SGCD: variants seen among roughly 807,000 people sequenced by gnomAD.
SGCD encodes sarcoglycan delta, also known as delta-sarcoglycan.
A neutral mutation model predicts 36.6 loss-of-function variants in SGCD; 18 were observed. The ratio of observed to expected loss-of-function variants is 0.49; its 90% CI spans 0.34 to 0.73. The LOEUF is 0.73. Among genes scored for constraint, SGCD ranks in the 30% least tolerant of loss-of-function variants. The pLI is 0.01. For synonymous variants in SGCD, 133 were observed against 130.6 expected, an observed-to-expected ratio of 1.02 and a Z score of -0.12; for missense variants, 387 against 346.7, an observed-to-expected ratio of 1.12 and a Z score of -0.92.
intron 3 of SGCD, among the ~76,000 whole-genome samples, chr5:156,389,741 C>T (rs1771464398): frequency 6.6e-6 from 1 of 152,126 alleles, no homozygotes; most frequent in Admixed American, 6.5e-5. Context: ...TTGGAGACCC[C>T]TGATGTATAG....
chr5:156,005,623 T>G (rs761979075), intron 1 of SGCD, among the ~76,000 whole-genome samples: 2 of 152,182 alleles, frequency 1.3e-5, no homozygotes, highest in Non-Finnish European at 2.9e-5. Context: ...GCTAATTTTT[T>G]GTATTTTTAG....
intron 3 of SGCD, among the ~76,000 whole-genome samples, chr5:156,354,110 G>A (rs1195177570): frequency 6.6e-6 from 1 of 152,196 alleles, no homozygotes; most frequent in Non-Finnish European, 1.5e-5. Context: ...TACTAGGGAA[G>A]AAAACACATG....
chr5:156,298,681 T>G (rs111976761), intron 3 of SGCD, among the ~76,000 whole-genome samples: 6 of 142,160 alleles, frequency 4.2e-5, no homozygotes, highest in African/African-American at 1.6e-4. Context: ...TCCACCCACC[T>G]CAGCCTCCCA....
At chr5:156,464,214 A>ATTTTTTTTTTTTTTT (rs1318941829) in intron 3 of SGCD, among the ~76,000 whole-genome samples, 1 of 125,260 alleles carries the variant, frequency 8.0e-6, no homozygotes, top group African/African-American at 3.1e-5. Flanking sequence ...TTGAATCTAC[A>ATTTTTTTTTTTTTTT]TATTTTTTTT....
At chr5:156,638,157 A>G (rs1762899229) in intron 6 of SGCD, among the ~76,000 whole-genome samples, 1 of 151,498 alleles carries the variant, frequency 6.6e-6, no homozygotes, top group African/African-American at 2.4e-5. Flanking sequence ...TCTCACTGGT[A>G]TCCATTGACC....
At chr5:156,249,715 T>G (rs1765527783) in intron 3 of SGCD, among the ~76,000 whole-genome samples, 1 of 122,016 alleles carries the variant, frequency 8.2e-6, no homozygotes. Context: ...ATAAGGTTAT[T>G]GTAAAAAAAA....
chr5:156,557,327 C>A (rs1184412307), intron 4 of SGCD, among the ~76,000 whole-genome samples: 2 of 152,122 alleles, frequency 1.3e-5, no homozygotes, highest in Admixed American at 1.3e-4. Context: ...AAGTTGCATG[C>A]TGGGATCAGA....
At chr5:155,765,450 GAGGA>G in the SGCD span, among the ~76,000 whole-genome samples, 89 of 131,924 alleles carry the variant, frequency 6.7e-4, 2 homozygotes, top group African/African-American at 1.1e-3. Context: ...GGGTGGGAGG[GAGGA>G]AGGAAGGAAG....
At chr5:156,285,038 CAG>C (rs957145297) in intron 3 of SGCD, among the ~76,000 whole-genome samples, 15 of 152,146 alleles carry the variant, frequency 9.9e-5, no homozygotes, top group African/African-American at 3.4e-4. Context: ...AACACACAAA[CAG>C]AGAGCTAAAT....
rs397516337 is a variant in SGCD at position 156,759,356 on chromosome 5, C to T, written c.839C>T (p.Ser280Phe). Reference sequence around the variant, plus strand: ...TTCCTGTCTCAGGCAGGAGCTGGGTCCACTTGTCAGATAAACACAAGTGTC... The same window carrying T: ...TTCCTGTCTCAGGCAGGAGCTGGGTTCACTTGTCAGATAAACACAAGTGTC... Reference protein sequence around the residue: ...RLFLSQAGAGSTCQINTSVCL With the variant: ...RLFLSQAGAGFTCQINTSVCL The change falls in exon 9 of 9, where the codon TCC (serine) becomes TTC (phenylalanine). Residue 280 changes from serine to phenylalanine, a missense_variant. By Grantham distance (155) the Ser-to-Phe change is radical. Transcript: ENST00000337851. 4 of 1,611,676 alleles carry T rather than the reference C, an allele frequency of 2.5e-6. No individual in the cohort carries two copies. Among genetic ancestry groups the T allele is most frequent in the Non-Finnish European group, 3.4e-6 (4 of 1,178,170 alleles).
rs377235889 is a variant in SGCD, at chr5:156,714,883, T to C, written c.576-42698T>C. 8.1e-4 allele frequency among the ~76,000 whole-genome samples: 123 copies of C among 152,374 alleles called. 1 individual carries two copies. The highest frequency in any genetic ancestry group is 2.8e-3 in the African/African-American group (116 of 41,604). On this transcript the variant is annotated intron_variant, in intron 7 of 8. Transcript: ENST00000337851. ...GAATCATTCTGTTTTTCTTTACCAC[T>C]TGTCTACATTGATCCCAGGCCATTG...
chr5:155,870,139 T>TGA (rs1755603641), upstream of SGCD, among the ~76,000 whole-genome samples: 1 of 152,218 alleles, frequency 6.6e-6, no homozygotes, highest in South Asian at 2.1e-4. Context: ...GATATACTGG[T>TGA]GAGAGCACAG....
chr5:156,526,919 TA>T (rs1296143166), intron 4 of SGCD, among the ~76,000 whole-genome samples: 1 of 152,194 alleles, frequency 6.6e-6, no homozygotes, highest in African/African-American at 2.4e-5. Flanking sequence ...ACTAGAAATG[TA>T]AGAGTTACTG....
At chr5:156,079,334 T>C (rs1760885823) in intron 1 of SGCD, among the ~76,000 whole-genome samples, 1 of 152,128 alleles carries the variant, frequency 6.6e-6, no homozygotes, top group African/African-American at 2.4e-5. Context: ...TGGGGACATA[T>C]AATCAAACCA....
At chr5:156,342,939 G>A (rs970022291) in intron 2 of SGCD, among the ~76,000 whole-genome samples, 24 of 152,166 alleles carry the variant, frequency 1.6e-4, no homozygotes, top group African/African-American at 5.8e-4. Flanking sequence ...CGGCACTAGG[G>A]TATGTGTTTG....
the SGCD span, among the ~76,000 whole-genome samples, chr5:155,808,288 A>G: frequency 6.6e-6 from 1 of 152,128 alleles, no homozygotes; most frequent in African/African-American, 2.4e-5. Flanking sequence ...ATTTCTGACC[A>G]TTGGAAAGCA....
At chr5:155,907,740 G>A (rs1580984160) in intron 1 of SGCD, among the ~76,000 whole-genome samples, 1 of 152,134 alleles carries the variant, frequency 6.6e-6, no homozygotes, top group African/African-American at 2.4e-5. Flanking sequence ...TTGAAATGGA[G>A]CCTACTCCTG....
At chr5:155,750,700 G>C in the SGCD span, among the ~76,000 whole-genome samples, 5 of 152,304 alleles carry the variant, frequency 3.3e-5, 1 homozygote, top group African/African-American at 1.2e-4. Flanking sequence ...TGTTTGAGCA[G>C]TTAGGGATCT....
intron 3 of SGCD, among the ~76,000 whole-genome samples, chr5:156,300,272 T>G (rs1261569219): frequency 6.6e-6 from 1 of 152,102 alleles, no homozygotes; most frequent in Non-Finnish European, 1.5e-5. Context: ...TAAACTCTCC[T>G]CTTAGTACTG....
Sources: allele counts gnomAD v4.1 joint callset (sites outside exome capture counted in the v4.1 genomes callset), GRCh38; gene constraint gnomAD v4.1.1; transcripts MANE v1.5; gene names NCBI Gene and HGNC (gene_info 2026-07-23, HGNC 2026-07-21).